Variants in STK26 observed in about 807,000 individuals in gnomAD.
The protein encoded by STK26 is serine/threonine kinase 26, also known as serine/threonine-protein kinase 26.
In STK26, 14 loss-of-function variants were observed where a neutral mutation model predicts 34.7. The ratio of observed to expected loss-of-function variants is 0.40; its 90% CI spans 0.27 to 0.63. The LOEUF (loss-of-function observed/expected upper bound fraction) is 0.63. STK26 is among the 30% of genes least tolerant of loss of function. The pLI, the probability that STK26 is intolerant of heterozygous loss-of-function variation, is 0.38. For missense variants in STK26, 226 were observed against 309.1 expected (o/e 0.73, Z 2.02); for synonymous variants, 100 against 109.8 (o/e 0.91, Z 0.56).
intron 2 of STK26, among the ~76,000 whole-genome samples, chrX:132,050,425 G>A (rs1056519726): frequency 1.8e-5 from 2 of 111,744 alleles, no homozygotes; most frequent in African/African-American, 6.5e-5. Context: ...GTCATCCCTC[G>A]GGATTCCAGG....
chrX:132,065,886 G>A (rs773587566), intron 4 of STK26, among the ~76,000 whole-genome samples: 2 of 112,128 alleles, frequency 1.8e-5, no homozygotes, highest in African/African-American at 6.5e-5. Context: ...TTTACAGGGA[G>A]AGCAGATAAT....
At chrX:132,028,781 GA>G (rs1925712537) in intron 2 of STK26, among the ~76,000 whole-genome samples, 1 of 110,904 alleles carries the variant, frequency 9.0e-6, no homozygotes, top group African/African-American at 3.3e-5. Flanking sequence ...GGGATGGGGG[GA>G]TTCTTTACTT....
At chrX:132,063,301 A>G in intron 3 of STK26, 132 bp from the exon 4 acceptor site, 1 of 568,147 alleles carries the variant, frequency 1.8e-6, no homozygotes, top group African/African-American at 2.3e-5. Context: ...AATTGTTTTA[A>G]TTTTTAGCTC....
rs201758864 is a variant in STK26 at position 132,069,528 on chromosome X, G to T, written c.648G>T (p.Glu216Asp). The T allele has an allele frequency of 1.7e-6, 2 of 1,157,491 alleles. No homozygotes were observed. The highest frequency in any genetic ancestry group is 3.8e-5 in the African/African-American group (2 of 53,219). Residue 216 changes from glutamate (E) to aspartate (D), a missense_variant, in exon 7 of 12, where the codon GAG (glutamate) becomes GAT (aspartate). Coordinates refer to ENST00000394334, the MANE Select transcript of STK26 (RefSeq NM_016542.4). ...GITAIELAKG[E>D]PPNSDMHPMR... The stretch of plus-strand genomic sequence containing the variant: ...CTGCTATTGAACTAGCCAAGGGAGA[G>T]CCACCTAACTCCGATATGCATCCAA...
intron 2 of STK26, among the ~76,000 whole-genome samples, chrX:132,053,970 T>A (rs934011735): frequency 8.9e-5 from 10 of 112,409 alleles, no homozygotes; most frequent in African/African-American, 3.2e-4. Context: ...TTATTCTGGA[T>A]CTTCACTGTG....
chrX:132,064,442 C>T (rs1047892009), intron 4 of STK26, among the ~76,000 whole-genome samples: 1 of 112,151 alleles, frequency 8.9e-6, no homozygotes, highest in African/African-American at 3.2e-5. Flanking sequence ...ACACAGAATG[C>T]CTTTGAGAAA....
chrX:132,062,195 C>T (rs1013598643), intron 3 of STK26, among the ~76,000 whole-genome samples: 3 of 111,986 alleles, frequency 2.7e-5, no homozygotes, highest in African/African-American at 6.5e-5. Context: ...TGGCTGCTGC[C>T]AGTATAGTAA....
Position 132,044,741 on chromosome X carries a change from A to ATC in STK26, c.43-9888_43-9887dup, listed in dbSNP as rs1483629497. ...TATATATTTATATATATATAGAGAG[A>ATC]TCTATATATATATTTATATATATAT... is the stretch of plus-strand genomic sequence containing the variant. On this transcript the variant is annotated intron_variant, in intron 2 of 11. Coordinates refer to ENST00000394334, the MANE Select transcript of STK26 (RefSeq NM_016542.4). Among the ~76,000 whole-genome samples, 142 of 61,934 alleles carry ATC rather than the reference A, an allele frequency of 2.3e-3. 15 individuals are homozygous for ATC. The highest frequency in any genetic ancestry group is 3.4e-3 in the Non-Finnish European group (111 of 32,904). 53.8% of individuals were successfully genotyped at this position (61,934 alleles called of 115,157 possible).
chrX:132,038,938 A>G (rs1238679535), intron 2 of STK26, among the ~76,000 whole-genome samples: 1 of 111,879 alleles, frequency 8.9e-6, no homozygotes, highest in East Asian at 2.8e-4. Flanking sequence ...ATATTTACAG[A>G]CACTACATAC....
chrX:132,071,791 C>T (rs1927423773), intron 8 of STK26, among the ~76,000 whole-genome samples: 1 of 112,423 alleles, frequency 8.9e-6, no homozygotes, highest in Non-Finnish European at 1.9e-5. Context: ...TTTAGTCCTC[C>T]ACCAGCTGAA....
chrX:132,033,881 A>C (rs1298664788), intron 2 of STK26, among the ~76,000 whole-genome samples: 1 of 110,346 alleles, frequency 9.1e-6, no homozygotes, highest in Non-Finnish European at 1.9e-5. Flanking sequence ...ATGAATCCCA[A>C]ATGAGATAGA....
intron 3 of STK26, among the ~76,000 whole-genome samples, chrX:132,056,275 C>A (rs1926852759): frequency 8.9e-6 from 1 of 112,055 alleles, no homozygotes; most frequent in Non-Finnish European, 1.9e-5. Context: ...GCAATCGCCT[C>A]TTCCAGACAT....
At chrX:132,065,079 A>G (rs1333202718) in intron 4 of STK26, among the ~76,000 whole-genome samples, 1 of 111,694 alleles carries the variant, frequency 9.0e-6, no homozygotes, top group Non-Finnish European at 1.9e-5. Context: ...GAATTTGGTA[A>G]TCTTTCCTTG....
intron 2 of STK26, among the ~76,000 whole-genome samples, chrX:132,032,630 A>G (rs1925884464): frequency 1.8e-5 from 2 of 111,961 alleles, no homozygotes; most frequent in African/African-American, 6.5e-5. Context: ...CTTAAAATAC[A>G]AAGGACTGAA....
chrX:132,037,336 C>G (rs1053166030), intron 2 of STK26, among the ~76,000 whole-genome samples: 1 of 111,762 alleles, frequency 8.9e-6, no homozygotes, highest in Non-Finnish European at 1.9e-5. Flanking sequence ...CCTGAAGAAA[C>G]TGAACTCACA....
At chrX:132,056,817 C>G (rs1051363732) in intron 3 of STK26, among the ~76,000 whole-genome samples, 2 of 112,683 alleles carry the variant, frequency 1.8e-5, no homozygotes, top group African/African-American at 6.4e-5. Context: ...GAGCTGATGT[C>G]TGGAGCATAG....
chrX:132,031,024 C>A (rs189307723), intron 2 of STK26, among the ~76,000 whole-genome samples: 1 of 111,020 alleles, frequency 9.0e-6, no homozygotes, highest in Non-Finnish European at 1.9e-5. Flanking sequence ...GCAGCCTCAA[C>A]CTCCCAGGCT....
intron 2 of STK26, among the ~76,000 whole-genome samples, chrX:132,044,807 C>A (rs866133873): frequency 1.7e-4 from 8 of 46,517 alleles, no homozygotes; most frequent in African/African-American, 4.0e-4. Flanking sequence ...AGAGAGAGAT[C>A]TATATATATA....
chrX:132,058,054 G>A (rs779783011), intron 3 of STK26, among the ~76,000 whole-genome samples: 1 of 111,963 alleles, frequency 8.9e-6, no homozygotes, highest in East Asian at 2.8e-4. Context: ...AGCTATTACT[G>A]TATTTTACTA....
Sources: gnomAD v4.1 joint callset for allele counts (sites outside exome capture counted in the v4.1 genomes callset) on GRCh38, gnomAD v4.1.1 for gene constraint, MANE v1.5 for transcripts, NCBI Gene and HGNC (gene_info 2026-07-23, HGNC 2026-07-21) for gene names.